Variants in CDH12 observed in about 807,000 individuals in gnomAD.
CDH12 encodes the protein cadherin-12.
A neutral mutation model predicts 74.1 loss-of-function variants in CDH12; 41 were observed. That is an observed-to-expected ratio of 0.55 (90% CI 0.43 to 0.72). The LOEUF (loss-of-function observed/expected upper bound fraction) is 0.72. Among genes scored for constraint, CDH12 ranks in the 30% least tolerant of loss-of-function variants. The probability of loss-of-function intolerance (pLI) is 0.00; values close to 1 mark genes in which losing one functional copy is unlikely to be tolerated. For missense variants in CDH12, 945 were observed against 977.2 expected (o/e 0.97, Z 0.44); for synonymous variants, 399 against 355.0 (o/e 1.12, Z -1.39).
intron 4 of CDH12, among the ~76,000 whole-genome samples, chr5:22,083,511 T>A (rs1742877240): frequency 6.6e-6 from 1 of 152,206 alleles, no homozygotes; most frequent in South Asian, 2.1e-4. Flanking sequence ...ACCAAGTACA[T>A]CTTTGTTAAG....
At chr5:22,786,122 T>C (rs1747610384) in intron 1 of CDH12, among the ~76,000 whole-genome samples, 1 of 152,016 alleles carries the variant, frequency 6.6e-6, no homozygotes, top group African/African-American at 2.4e-5. Context: ...CACCATGGAA[T>C]ACTATACAGC....
intron 2 of CDH12, among the ~76,000 whole-genome samples, chr5:22,453,771 T>G (rs910806975): frequency 6.6e-6 from 1 of 152,136 alleles, no homozygotes; most frequent in Non-Finnish European, 1.5e-5. Context: ...CTATCTGAGG[T>G]GATAGATATG....
intron 1 of CDH12, among the ~76,000 whole-genome samples, chr5:22,751,958 A>ATT (rs5866590): frequency 3.3e-5 from 5 of 151,554 alleles, no homozygotes; most frequent in South Asian, 2.1e-4. Flanking sequence ...GCTATACTCT[A>ATT]TTTTTTTTGA....
chr5:22,514,706 A>G (rs1285004687), intron 1 of CDH12, among the ~76,000 whole-genome samples: 3 of 152,186 alleles, frequency 2.0e-5, no homozygotes, highest in Non-Finnish European at 4.4e-5. Flanking sequence ...TTTAAAGTGG[A>G]TTGGGTGTGC....
At chr5:21,753,907 A>T (rs1398828713) in intron 14 of CDH12, among the ~76,000 whole-genome samples, 2 of 152,188 alleles carry the variant, frequency 1.3e-5, no homozygotes, top group Admixed American at 1.3e-4. Flanking sequence ...AGTTTCTCTG[A>T]AATAAAATAT....
intron 3 of CDH12, among the ~76,000 whole-genome samples, chr5:22,260,599 G>A (rs949448116): frequency 6.6e-6 from 1 of 151,994 alleles, no homozygotes; most frequent in African/African-American, 2.4e-5. Flanking sequence ...CTTTAGTAGT[G>A]TTGGTGGAAC....
intron 3 of CDH12, among the ~76,000 whole-genome samples, chr5:22,344,594 A>T (rs1740030025): frequency 6.6e-6 from 1 of 152,160 alleles, no homozygotes; most frequent in African/African-American, 2.4e-5. Context: ...GCTTTGAACT[A>T]CCAAGCATCA....
At chr5:21,827,127 C>A (rs898014787) in intron 8 of CDH12, among the ~76,000 whole-genome samples, 3 of 152,256 alleles carry the variant, frequency 2.0e-5, no homozygotes, top group East Asian at 1.9e-4. Flanking sequence ...GTGAGTCAAG[C>A]AAGTAGTATC....
At chr5:21,806,312 G>C (rs745533034) in intron 9 of CDH12, among the ~76,000 whole-genome samples, 7 of 152,146 alleles carry the variant, frequency 4.6e-5, no homozygotes, top group Admixed American at 1.3e-4. Flanking sequence ...AACGTGGGCA[G>C]GTCTTTTCTA....
intron 3 of CDH12, among the ~76,000 whole-genome samples, chr5:22,332,074 AG>A (rs1293964894): frequency 1.3e-5 from 2 of 152,190 alleles, no homozygotes; most frequent in Non-Finnish European, 2.9e-5. Flanking sequence ...ATAGAGAAAA[AG>A]ACAGGGTTAG....
In CDH12 at chr5:21,775,378, T is replaced by C. The variant is rs186041923; in HGVS notation, c.1393+7980A>G. Among the ~76,000 whole-genome samples, 545 of 152,218 alleles carry C rather than the reference T, an allele frequency of 3.6e-3. 4 individuals are homozygous for C. The highest frequency in any genetic ancestry group is 0.012 in the African/African-American group (513 of 41,546). ...TGGAGAAGTGAAATGCTTCTTTGGA[T>C]CCATAGTAAGCTGGGGGCACACAGG... On this transcript the variant is annotated intron_variant, in intron 11 of 14. Transcript: ENST00000382254.
At chr5:22,166,007 T>A (rs1254146051) in intron 4 of CDH12, among the ~76,000 whole-genome samples, 1 of 152,198 alleles carries the variant, frequency 6.6e-6, no homozygotes, top group Non-Finnish European at 1.5e-5. Context: ...GCTCTACTTA[T>A]GGAGAAGCCA....
intron 3 of CDH12, among the ~76,000 whole-genome samples, chr5:22,371,555 T>C (rs1325461052): frequency 6.6e-6 from 1 of 152,178 alleles, no homozygotes; most frequent in Non-Finnish European, 1.5e-5. Context: ...ATCTTTTATA[T>C]TATTATTTTT....
At chr5:21,841,643 T>C (rs1235303896) in intron 8 of CDH12, among the ~76,000 whole-genome samples, 1 of 150,886 alleles carries the variant, frequency 6.6e-6, no homozygotes, top group Non-Finnish European at 1.5e-5. Context: ...ATTAAGAAAA[T>C]GTGGCACATA....
chr5:22,081,028 C>T (rs372748906), intron 4 of CDH12, among the ~76,000 whole-genome samples: 5 of 152,256 alleles, frequency 3.3e-5, no homozygotes. Context: ...ATCCACCTGC[C>T]TCAGCCTCCC....
At chr5:22,289,717 C>G in intron 3 of CDH12, among the ~76,000 whole-genome samples, 1 of 152,240 alleles carries the variant, frequency 6.6e-6, no homozygotes, top group Non-Finnish European at 1.5e-5. Flanking sequence ...TCTCTCCTGA[C>G]CCCAGGCAGC....
At chr5:22,072,296 G>A (rs959461786) in intron 5 of CDH12, among the ~76,000 whole-genome samples, 1 of 151,992 alleles carries the variant, frequency 6.6e-6, no homozygotes, top group East Asian at 1.9e-4. Flanking sequence ...TAAGTAGTTG[G>A]CTTTACACTC....
chr5:22,029,164 A>G (rs1190183119), intron 5 of CDH12, among the ~76,000 whole-genome samples: 1 of 152,224 alleles, frequency 6.6e-6, no homozygotes, highest in Non-Finnish European at 1.5e-5. Flanking sequence ...AAACCCTAGA[A>G]GAAAACCTAG....
chr5:21,929,935 A>T (rs1429379286), intron 6 of CDH12, among the ~76,000 whole-genome samples: 1 of 152,156 alleles, frequency 6.6e-6, no homozygotes, highest in Admixed American at 6.6e-5. Context: ...ACAGCCCAAA[A>T]TGCCCTCTGG....
Sources: gnomAD v4.1 joint callset for allele counts (sites outside exome capture counted in the v4.1 genomes callset) on GRCh38, gnomAD v4.1.1 for gene constraint, MANE v1.5 for transcripts, NCBI Gene and HGNC (gene_info 2026-07-23, HGNC 2026-07-21) for gene names.